Variants in HS3ST4 observed in about 807,000 individuals in gnomAD.
The protein encoded by HS3ST4 is heparan sulfate-glucosamine 3-sulfotransferase 4.
Under a neutral mutation model 29.2 loss-of-function variants are expected in HS3ST4, and 17 were observed. That is an observed-to-expected ratio of 0.58 (90% confidence interval 0.40 to 0.87). The LOEUF is 0.87. Among genes scored for constraint, HS3ST4 ranks in the 40% least tolerant of loss-of-function variants. The pLI, the probability that HS3ST4 is intolerant of heterozygous loss-of-function variation, is 0.00. For missense variants in HS3ST4, 627 were observed against 634.5 expected, an observed-to-expected ratio of 0.99 and a Z score of 0.13; for synonymous variants, 314 against 285.7, an observed-to-expected ratio of 1.10 and a Z score of -1.00.
intron 1 of HS3ST4, among the ~76,000 whole-genome samples, chr16:26,021,000 AG>A (rs1243012571): frequency 5.3e-5 from 8 of 152,248 alleles, no homozygotes; most frequent in Non-Finnish European, 1.2e-4. Context: ...CATGCATATA[AG>A]GCCCTTTCCA....
chr16:25,837,069 C>T (rs1967363897), intron 1 of HS3ST4, among the ~76,000 whole-genome samples: 1 of 152,198 alleles, frequency 6.6e-6, no homozygotes, highest in Non-Finnish European at 1.5e-5. Flanking sequence ...GTTGATTTTC[C>T]AATCCGCAGT....
At chr16:25,937,812 G>C (rs1240833014) in intron 1 of HS3ST4, among the ~76,000 whole-genome samples, 1 of 152,178 alleles carries the variant, frequency 6.6e-6, no homozygotes, top group African/African-American at 2.4e-5. Flanking sequence ...CATTGACACA[G>C]GGAAGTTGGT....
intron 1 of HS3ST4, among the ~76,000 whole-genome samples, chr16:26,107,852 A>C (rs188046926): frequency 1.3e-5 from 2 of 152,176 alleles, no homozygotes; most frequent in Admixed American, 1.3e-4. Flanking sequence ...TGTGATAAAC[A>C]TACGTGTGCA....
chr16:25,693,245 C>A (rs545671839), intron 1 of HS3ST4, 94 bp downstream of exon 1: 5 of 1,349,156 alleles, frequency 3.7e-6, no homozygotes, highest in East Asian at 5.7e-5. Context: ...ATCCAGGCAC[C>A]GTCCCGAGAG....
intron 1 of HS3ST4, among the ~76,000 whole-genome samples, chr16:26,102,562 T>G (rs1899002266): frequency 6.6e-6 from 1 of 152,154 alleles, no homozygotes; most frequent in Non-Finnish European, 1.5e-5. Context: ...TTGGGCAACA[T>G]GAGGCTCTTT....
intron 1 of HS3ST4, among the ~76,000 whole-genome samples, chr16:26,123,378 C>G (rs1280583712): frequency 6.6e-6 from 1 of 152,146 alleles, no homozygotes; most frequent in Non-Finnish European, 1.5e-5. Flanking sequence ...TGCACCTGGC[C>G]AGCTTCCAAA....
chr16:25,819,505 C>T (rs1967126079), intron 1 of HS3ST4, among the ~76,000 whole-genome samples: 1 of 152,158 alleles, frequency 6.6e-6, no homozygotes, highest in Non-Finnish European at 1.5e-5. Context: ...GTGAGACTTG[C>T]TTCTGCCTGC....
chr16:25,922,752 A>G (rs1968366292), intron 1 of HS3ST4, among the ~76,000 whole-genome samples: 1 of 152,240 alleles, frequency 6.6e-6, no homozygotes, highest in Non-Finnish European at 1.5e-5. Flanking sequence ...TAGAAATGCA[A>G]ATTCATGGGA....
chr16:25,971,240 T>C (rs777070170), intron 1 of HS3ST4, among the ~76,000 whole-genome samples: 9 of 150,348 alleles, frequency 6.0e-5, no homozygotes, highest in Non-Finnish European at 1.0e-4. Context: ...TTGAGGACTT[T>C]ACATTCTTTT....
chr16:25,715,277 G>A (rs536380658), intron 1 of HS3ST4, among the ~76,000 whole-genome samples: 119 of 146,750 alleles, frequency 8.1e-4, no homozygotes, highest in African/African-American at 2.9e-3. Flanking sequence ...AGCCGAGATC[G>A]CGCCACTGCA....
intron 1 of HS3ST4, among the ~76,000 whole-genome samples, chr16:26,109,697 T>G (rs1373053597): frequency 1.3e-5 from 2 of 148,604 alleles, no homozygotes; most frequent in Admixed American, 1.4e-4. Context: ...CTGAGATCTC[T>G]TTTCAACTCA....
chr16:25,840,161 G>A (rs1022297270), intron 1 of HS3ST4, among the ~76,000 whole-genome samples: 1 of 152,208 alleles, frequency 6.6e-6, no homozygotes, highest in Non-Finnish European at 1.5e-5. Flanking sequence ...ACTGGTGCAT[G>A]ATTGGAGAGT....
At chr16:25,922,568 T>C (rs76789222) in intron 1 of HS3ST4, among the ~76,000 whole-genome samples, 16,882 of 152,192 alleles carry the variant, frequency 0.11, 1,107 homozygotes, top group African/African-American at 0.16. Context: ...TGGAACTCCT[T>C]GAGAGAGAGG....
intron 1 of HS3ST4, among the ~76,000 whole-genome samples, chr16:25,705,188 G>A (rs1427299658): frequency 6.6e-6 from 1 of 152,084 alleles, no homozygotes; most frequent in Non-Finnish European, 1.5e-5. Flanking sequence ...GCCATGACAC[G>A]GGGGCCCCCT....
In HS3ST4 at chr16:26,112,381, C is replaced by CTTTTTTTT. The variant is rs386384539; in HGVS notation, c.735-23219_735-23212dup. ...GCTTGAAGCCTTAAAGCCTCTACAT[C>CTTTTTTTT]TTTTTTTTTTTTTTTTTTTGAGACG... On this transcript the variant is annotated intron_variant, in intron 1 of 1. Transcript: ENST00000331351. 2.7e-5 allele frequency among the ~76,000 whole-genome samples: 3 copies of CTTTTTTTT among 111,972 alleles called. 1 individual carries two copies. The highest frequency in any genetic ancestry group is 3.4e-5 in the African/African-American group (1 of 29,832). The allele number at this position is 111,972 out of a possible 152,430, so 73.5% of individuals were successfully genotyped here. A position where few individuals can be genotyped will look rare whatever the true frequency, so the allele number is the denominator to read the frequency against.
At chr16:25,722,649 T>A (rs1217324142) in intron 1 of HS3ST4, among the ~76,000 whole-genome samples, 1 of 152,196 alleles carries the variant, frequency 6.6e-6, no homozygotes, top group Non-Finnish European at 1.5e-5. Context: ...TATACAGCCT[T>A]GAAAACACAG....
intron 1 of HS3ST4, among the ~76,000 whole-genome samples, chr16:25,837,276 C>G (rs1265587434): frequency 6.6e-6 from 1 of 152,164 alleles, no homozygotes. Flanking sequence ...GAACCCACAC[C>G]CACATCTTGC....
intron 1 of HS3ST4, among the ~76,000 whole-genome samples, chr16:25,969,408 C>A (rs1270331765): frequency 6.6e-6 from 1 of 152,214 alleles, no homozygotes; most frequent in Non-Finnish European, 1.5e-5. Flanking sequence ...ATAGTGCTAT[C>A]CAGCGCTGCT....
intron 1 of HS3ST4, among the ~76,000 whole-genome samples, chr16:26,092,778 G>A (rs1217309265): frequency 1.3e-5 from 2 of 152,178 alleles, no homozygotes; most frequent in Non-Finnish European, 2.9e-5. Flanking sequence ...AGCTGAAGCA[G>A]GGCGGGGCAT....
Sources: allele counts gnomAD v4.1 joint callset (sites outside exome capture counted in the v4.1 genomes callset), GRCh38; gene constraint gnomAD v4.1.1; transcripts MANE v1.5; gene names NCBI Gene and HGNC (gene_info 2026-07-23, HGNC 2026-07-21).